The following SLIT2 variants were observed in gnomAD, a reference collection of about 807,000 sequenced individuals.
SLIT2 encodes the protein slit guidance ligand 2.
SLIT2 carries 41 observed loss-of-function variants against 185.7 expected under a neutral mutation model. That is an observed-to-expected ratio of 0.22 (90% confidence interval 0.17 to 0.29). The LOEUF (loss-of-function observed/expected upper bound fraction) is 0.29. Ranked by LOEUF, SLIT2 falls within the 10% of genes least tolerant of loss-of-function variation. The pLI, the probability that SLIT2 is intolerant of heterozygous loss-of-function variation, is 1.00. For synonymous variants in SLIT2, 693 were observed against 680.2 expected (o/e 1.02, Z -0.29); for missense variants, 1,571 against 1,909.0 (o/e 0.82, Z 3.30).
intron 4 of SLIT2, among the ~76,000 whole-genome samples, chr4:20,465,942 T>C (rs1224505354): frequency 6.9e-6 from 1 of 145,562 alleles, no homozygotes; most frequent in Non-Finnish European, 1.5e-5. Context: ...GCCGTTTTTA[T>C]TCATCTACAC....
intron 4 of SLIT2, among the ~76,000 whole-genome samples, chr4:20,272,886 G>A (rs557038771): frequency 1.0e-3 from 157 of 152,078 alleles, no homozygotes; most frequent in African/African-American, 3.5e-3. Flanking sequence ...GTTTTGGAGC[G>A]ACTAAATTAT....
intron 14 of SLIT2, among the ~76,000 whole-genome samples, chr4:20,524,655 A>G (rs571605200): frequency 2.0e-5 from 3 of 152,324 alleles, no homozygotes; most frequent in South Asian, 2.1e-4. Context: ...CTCTGAATGC[A>G]CTTTCTCAGT....
At chr4:20,514,766 T>C (rs917710506) in intron 11 of SLIT2, among the ~76,000 whole-genome samples, 4 of 150,786 alleles carry the variant, frequency 2.7e-5, no homozygotes, top group Admixed American at 1.4e-4. Context: ...TCCTATACTT[T>C]TTTTTATTAA....
At chr4:20,457,097 G>A (rs1196522749) in intron 4 of SLIT2, among the ~76,000 whole-genome samples, 1 of 152,018 alleles carries the variant, frequency 6.6e-6, no homozygotes, top group East Asian at 1.9e-4. Flanking sequence ...ATTTTCTTGA[G>A]AATTGTAATG....
Position 20,300,863 on chromosome 4 carries a change from C to T in SLIT2, c.395+31982C>T, listed in dbSNP as rs574485298. 6.6e-5 allele frequency among the ~76,000 whole-genome samples: 10 copies of T among 151,952 alleles called. No homozygotes were observed. The South Asian group carries it at 2.1e-3, about 32-fold the overall frequency. ...CTTCGTTTGAGTATGATTATGCTATCAGGAGCCTAAAATGCAATAGCATTT... is the reference window on the plus strand; with the variant it reads ...CTTCGTTTGAGTATGATTATGCTATTAGGAGCCTAAAATGCAATAGCATTT... On this transcript the variant is annotated intron_variant, in intron 4 of 36. Transcript: ENST00000504154.
chr4:20,578,122 G>A (rs1726224823), intron 29 of SLIT2, among the ~76,000 whole-genome samples: 1 of 152,084 alleles, frequency 6.6e-6, no homozygotes, highest in East Asian at 1.9e-4. Context: ...TGTGATCTGG[G>A]TCTCCATTAA....
chr4:20,617,096 C>A lies in SLIT2; in HGVS notation c.4034C>A (p.Thr1345Lys), dbSNP rs1414213710. 1 of 1,612,846 alleles carries A rather than the reference C, an allele frequency of 6.2e-7. No individual in the cohort carries two copies. The highest frequency in any genetic ancestry group is 8.5e-7 in the Non-Finnish European group (1 of 1,178,862). ...CACAAGAAGGTGTGTGCCCATGGCA[C>A]ATGCCAGCCCAGCAGCCAGGCAGGC... ...PCHKKVCAHG[T>K]CQPSSQAGFT... The change falls in exon 35 of 37, where the codon ACA becomes AAA. Residue 1345 changes from threonine (T) to lysine (K), a missense_variant. By Grantham distance (78) the Thr-to-Lys change is moderately conservative. Coordinates refer to ENST00000504154, the MANE Select transcript of SLIT2 (RefSeq NM_004787.4).
At chr4:20,599,648 C>T (rs375706464) in intron 33 of SLIT2, among the ~76,000 whole-genome samples, 42 of 152,178 alleles carry the variant, frequency 2.8e-4, no homozygotes, top group African/African-American at 1.0e-3. Context: ...TAGGTTTTTC[C>T]AAACTCTTGA....
intron 4 of SLIT2, among the ~76,000 whole-genome samples, chr4:20,337,972 G>A (rs1307680887): frequency 6.6e-6 from 1 of 152,078 alleles, no homozygotes. Context: ...CTTGAAAGCT[G>A]CTTTAAAAAT....
At chr4:20,614,568 G>C (rs922966566) in intron 34 of SLIT2, among the ~76,000 whole-genome samples, 1 of 151,538 alleles carries the variant, frequency 6.6e-6, no homozygotes, top group East Asian at 1.9e-4. Context: ...ACCTGAGGTC[G>C]GGAGTTGGAG....
intron 15 of SLIT2, among the ~76,000 whole-genome samples, chr4:20,526,390 ATTACT>A (rs1457385740): frequency 2.0e-5 from 3 of 152,094 alleles, no homozygotes; most frequent in Admixed American, 6.5e-5. Context: ...TTTAATATTA[ATTACT>A]TTACCCAATT....
intron 34 of SLIT2, among the ~76,000 whole-genome samples, chr4:20,611,168 G>A (rs1482562511): frequency 6.6e-6 from 1 of 152,196 alleles, no homozygotes; most frequent in East Asian, 1.9e-4. Context: ...TCATCACCAT[G>A]ACAGATATTT....
At chr4:20,360,621 G>C (rs930361759) in intron 4 of SLIT2, among the ~76,000 whole-genome samples, 3 of 96,086 alleles carry the variant, frequency 3.1e-5, no homozygotes, top group African/African-American at 9.2e-5. Flanking sequence ...AAATAAAATG[G>C]TATACGTTAA....
chr4:20,343,905 C>T (rs1721171594), intron 4 of SLIT2, among the ~76,000 whole-genome samples: 1 of 151,586 alleles, frequency 6.6e-6, no homozygotes, highest in Admixed American at 6.6e-5. Context: ...GGCTGGAGTG[C>T]AGTGTCATGA....
At chr4:20,310,491 A>G (rs1197343639) in intron 4 of SLIT2, among the ~76,000 whole-genome samples, 1 of 152,136 alleles carries the variant, frequency 6.6e-6, no homozygotes, top group African/African-American at 2.4e-5. Context: ...TTATCCCCAC[A>G]TTCAGTAAGC....
intron 8 of SLIT2, 45 bp downstream of exon 8, chr4:20,489,027 G>T (rs1717525988): frequency 6.6e-7 from 1 of 1,518,626 alleles, no homozygotes; most frequent in African/African-American, 1.4e-5. Context: ...ATTGTATCCT[G>T]TTATGTAACA....
At chr4:20,288,259 C>T (rs1288793515) in intron 4 of SLIT2, among the ~76,000 whole-genome samples, 1 of 152,224 alleles carries the variant, frequency 6.6e-6, no homozygotes, top group African/African-American at 2.4e-5. Flanking sequence ...ATCTTGGCTT[C>T]AGCAGTGTGG....
intron 4 of SLIT2, among the ~76,000 whole-genome samples, chr4:20,414,423 T>C (rs922771012): frequency 1.3e-5 from 2 of 152,200 alleles, no homozygotes; most frequent in Non-Finnish European, 2.9e-5. Flanking sequence ...ATACTATCTT[T>C]TATATTTACC....
intron 5 of SLIT2, among the ~76,000 whole-genome samples, chr4:20,472,363 T>TATATAG (rs1237537683): frequency 2.7e-4 from 11 of 41,114 alleles, no homozygotes; most frequent in Admixed American, 4.0e-4. Flanking sequence ...GATATCTATA[T>TATATAG]AGATATCTAT....
Sources: gnomAD v4.1 joint callset for allele counts (sites outside exome capture counted in the v4.1 genomes callset) on GRCh38, gnomAD v4.1.1 for gene constraint, MANE v1.5 for transcripts, NCBI Gene and HGNC (gene_info 2026-07-23, HGNC 2026-07-21) for gene names.